Variants in ARL15 observed in about 807,000 individuals in gnomAD.
The protein encoded by ARL15 is ARF like GTPase 15.
In ARL15, 19 loss-of-function variants were observed where a neutral mutation model predicts 25.2. That is an observed-to-expected ratio of 0.75 (90% CI 0.53 to 1.10). ARL15 has a LOEUF of 1.10. Among genes scored for constraint, ARL15 ranks in the 50% least tolerant of loss-of-function variants. The probability of loss-of-function intolerance (pLI) is 0.00; values close to 1 mark genes in which losing one functional copy is unlikely to be tolerated. For missense variants in ARL15, 220 were observed against 246.0 expected (o/e 0.89, Z 0.71); for synonymous variants, 94 against 86.8 (o/e 1.08, Z -0.46).
In ARL15 at chr5:54,191,209, C is replaced by T. The variant is rs956079330; in HGVS notation, c.49-19281G>A. Among the ~76,000 whole-genome samples, 18 of 151,890 alleles carry T rather than the reference C, an allele frequency of 1.2e-4. 1 individual carries two copies. The highest frequency in any genetic ancestry group is 1.9e-4 in the East Asian group (1 of 5,180). On this transcript the variant is annotated intron_variant, in intron 1 of 4. Coordinates refer to ENST00000504924, the MANE Select transcript of ARL15 (RefSeq NM_019087.3). ...GACTAAGTTAAATAAGCCAGCCAGC[C>T]GTAAAAAAGACAAACACAGTTTGAC...
chr5:54,035,063 A>G (rs762325967), intron 4 of ARL15, among the ~76,000 whole-genome samples: 7 of 152,274 alleles, frequency 4.6e-5, no homozygotes, highest in Middle Eastern at 6.8e-3. Flanking sequence ...CTGGCTGAGA[A>G]CATAGGCAAG....
At position 54,035,347 on chromosome 5, in the gene ARL15, A is replaced by C. The variant is rs1750134568; in HGVS notation, c.462+77855T>G. ...TTCTCATACAGGATTAATGAATGAC[A>C]TGTAGGCCAAAAGATGATTCATCTT... On this transcript the variant is annotated intron_variant, in intron 4 of 4. Transcript: ENST00000504924. Among the ~76,000 whole-genome samples, 7 of 152,226 alleles carry C rather than the reference A, an allele frequency of 4.6e-5. No homozygotes were observed. In the South Asian group the frequency reaches 1.4e-3, roughly 31 times the overall value.
At chr5:54,276,651 A>G (rs903756292) in intron 1 of ARL15, among the ~76,000 whole-genome samples, 1 of 152,210 alleles carries the variant, frequency 6.6e-6, no homozygotes, top group South Asian at 2.1e-4. Flanking sequence ...GTTATCTTAC[A>G]TGGCAAAAGG....
At chr5:53,972,608 CAT>C (rs1288066655) in intron 4 of ARL15, among the ~76,000 whole-genome samples, 5 of 152,024 alleles carry the variant, frequency 3.3e-5, no homozygotes, top group East Asian at 3.9e-4. Flanking sequence ...GTCAGTTTCA[CAT>C]GTGTCCAAAC....
chr5:54,306,216 G>A (rs1295664287), intron 1 of ARL15, among the ~76,000 whole-genome samples: 1 of 152,070 alleles, frequency 6.6e-6, no homozygotes, highest in African/African-American at 2.4e-5. Context: ...TTTTATTTTC[G>A]TAGCTTTTAA....
chr5:54,120,297 T>A (rs1429688465), intron 3 of ARL15, among the ~76,000 whole-genome samples: 1 of 152,196 alleles, frequency 6.6e-6, no homozygotes, highest in East Asian at 1.9e-4. Context: ...ATATTAAGAA[T>A]TCCTTAAACA....
intron 1 of ARL15, among the ~76,000 whole-genome samples, chr5:54,246,942 T>A (rs1757104726): frequency 6.6e-6 from 1 of 151,798 alleles, no homozygotes. Flanking sequence ...CCCAGGATGG[T>A]CGGGGAAGCA....
chr5:54,228,417 A>C (rs566120326), intron 1 of ARL15, among the ~76,000 whole-genome samples: 1 of 152,292 alleles, frequency 6.6e-6, no homozygotes, highest in African/African-American at 2.4e-5. Flanking sequence ...GGACTAGCTC[A>C]AACAGGTGAA....
intron 1 of ARL15, among the ~76,000 whole-genome samples, chr5:54,193,972 A>G (rs1755479773): frequency 6.6e-6 from 1 of 152,162 alleles, no homozygotes; most frequent in Non-Finnish European, 1.5e-5. Flanking sequence ...GATATTAAAT[A>G]CAGTTATTTA....
At chr5:54,010,812 A>C (rs12189535) in intron 4 of ARL15, among the ~76,000 whole-genome samples, 42,707 of 151,878 alleles carry the variant, frequency 0.28, 6,228 homozygotes, top group East Asian at 0.45. Context: ...GAGATGGAGA[A>C]CACGGTGAAA....
chr5:54,111,080 C>A (rs1301892748), intron 4 of ARL15, among the ~76,000 whole-genome samples: 2 of 151,924 alleles, frequency 1.3e-5, no homozygotes, highest in African/African-American at 2.4e-5. Context: ...CCCATGTATC[C>A]CATTAAAGCA....
At chr5:54,077,832 C>T (rs1042888670) in intron 4 of ARL15, among the ~76,000 whole-genome samples, 1 of 152,086 alleles carries the variant, frequency 6.6e-6, no homozygotes, top group African/African-American at 2.4e-5. Context: ...TCTAACATGA[C>T]CTGATTTTTA....
intron 1 of ARL15, among the ~76,000 whole-genome samples, chr5:54,258,140 G>A (rs1757412622): frequency 6.7e-6 from 1 of 148,902 alleles, no homozygotes; most frequent in African/African-American, 2.5e-5. Context: ...AGACGAGCCT[G>A]GGCAACATAG....
chr5:54,150,844 T>A, intron 3 of ARL15, among the ~76,000 whole-genome samples: 1 of 126,068 alleles, frequency 7.9e-6, no homozygotes, highest in Non-Finnish European at 1.7e-5. Flanking sequence ...ACCAACACAC[T>A]GTTAACCAAA....
chr5:54,029,965 C>T (rs1749924623), intron 4 of ARL15, among the ~76,000 whole-genome samples: 1 of 151,926 alleles, frequency 6.6e-6, no homozygotes, highest in South Asian at 2.1e-4. Flanking sequence ...CCACTGCACT[C>T]CAGCCTGGGT....
intron 4 of ARL15, among the ~76,000 whole-genome samples, chr5:54,051,946 A>C (rs757087405): frequency 6.6e-6 from 1 of 152,240 alleles, no homozygotes; most frequent in African/African-American, 2.4e-5. Flanking sequence ...ATACAATGGA[A>C]TATTATTCAT....
chr5:54,024,846 C>A (rs1749733992), intron 4 of ARL15, among the ~76,000 whole-genome samples: 1 of 151,704 alleles, frequency 6.6e-6, no homozygotes, highest in South Asian at 2.1e-4. Flanking sequence ...CATATAAAAT[C>A]CAGAGGCTTT....
At position 53,907,490 on chromosome 5, in the gene ARL15, T is replaced by TGTATA. The variant is rs1561144007; in HGVS notation, c.463-20778_463-20777insTATAC. Reference sequence around the variant, plus strand: ...TATATATATATATATATATATATATTTTTTTTTTTTTTTTTTTTTTTTTTT... The same window carrying TGTATA: ...TATATATATATATATATATATATATTGTATATTTTTTTTTTTTTTTTTTTTTTTTT... On this transcript the variant is annotated intron_variant, in intron 4 of 4. Coordinates refer to ENST00000504924, the MANE Select transcript of ARL15 (RefSeq NM_019087.3). Among the ~76,000 whole-genome samples, 4 of 30,474 alleles carry TGTATA rather than the reference T, an allele frequency of 1.3e-4. No individual in the cohort carries two copies. The South Asian group carries it at 3.1e-3, about 24-fold the overall frequency. 20.0% of individuals were successfully genotyped at this position (30,474 alleles called of 152,430 possible). A position where few individuals can be genotyped will look rare whatever the true frequency, so the allele number is the denominator to read the frequency against.
At chr5:54,215,565 A>G (rs1425722884) in intron 1 of ARL15, among the ~76,000 whole-genome samples, 1 of 147,850 alleles carries the variant, frequency 6.8e-6, no homozygotes, top group African/African-American at 2.5e-5. Context: ...CAATTTTCCT[A>G]AGTCTTCAGC....
Sources: allele counts gnomAD v4.1 joint callset (sites outside exome capture counted in the v4.1 genomes callset), GRCh38; gene constraint gnomAD v4.1.1; transcripts MANE v1.5; gene names NCBI Gene and HGNC (gene_info 2026-07-23, HGNC 2026-07-21).